FCHSD2: variants seen among roughly 807,000 people sequenced by gnomAD.
FCHSD2 encodes the protein FCH and double SH3 domains 2.
Under a neutral mutation model 108.1 loss-of-function variants are expected in FCHSD2, and 38 were observed. The ratio of observed to expected loss-of-function variants is 0.35; its 90% CI spans 0.27 to 0.46. The LOEUF is 0.46. Ranked by LOEUF, FCHSD2 falls within the 20% of genes least tolerant of loss-of-function variation. FCHSD2 has a pLI of 1.00. For missense variants in FCHSD2, 751 were observed against 897.8 expected (o/e 0.84, Z 2.09); for synonymous variants, 279 against 314.7 (o/e 0.89, Z 1.20).
chr11:73,060,338 A>C (rs1164273672), intron 3 of FCHSD2, among the ~76,000 whole-genome samples: 1 of 152,250 alleles, frequency 6.6e-6, no homozygotes, highest in Non-Finnish European at 1.5e-5. Context: ...AGCAAATTCA[A>C]ACATAATTTC....
chr11:73,132,028 A>G (rs1020752612), intron 2 of FCHSD2, among the ~76,000 whole-genome samples: 4 of 152,206 alleles, frequency 2.6e-5, no homozygotes, highest in African/African-American at 9.6e-5. Flanking sequence ...AGCCCAGGTG[A>G]TCCAACATTT....
In FCHSD2 at chr11:73,124,689, G is replaced by A. The variant is rs372987116; in HGVS notation, c.119+15342C>T. On this transcript the variant is annotated intron_variant, in intron 2 of 19. Coordinates refer to ENST00000409418, the MANE Select transcript of FCHSD2 (RefSeq NM_014824.3). ...GAGAATCACTTGAACCAAGGGGGCG[G>A]AGGTTGCAGTGAGCTGAGATTACGC... 1.3e-3 allele frequency among the ~76,000 whole-genome samples: 191 copies of A among 152,100 alleles called. 6 individuals carry two copies. In the South Asian group the frequency reaches 0.038, roughly 30 times the overall value.
At chr11:73,006,694 G>A (rs960185611) in intron 4 of FCHSD2, among the ~76,000 whole-genome samples, 7 of 152,184 alleles carry the variant, frequency 4.6e-5, no homozygotes, top group Admixed American at 4.6e-4. Context: ...TCCCTACTAT[G>A]CTTACTGCTC....
chr11:72,885,323 C>T (rs1235350036), intron 12 of FCHSD2, among the ~76,000 whole-genome samples: 1 of 152,158 alleles, frequency 6.6e-6, no homozygotes, highest in Non-Finnish European at 1.5e-5. Flanking sequence ...ATGGTTTTAG[C>T]ATACTATATT....
chr11:73,075,038 C>G (rs919374387), intron 3 of FCHSD2, among the ~76,000 whole-genome samples: 1 of 152,110 alleles, frequency 6.6e-6, no homozygotes, highest in African/African-American at 2.4e-5. Context: ...GATGCCCAAT[C>G]AAGATATGAA....
At chr11:73,096,987 A>ATTTTTTTTGTTTTTTTTTTTTT (rs1860097350) in intron 2 of FCHSD2, among the ~76,000 whole-genome samples, 1 of 27,020 alleles carries the variant, frequency 3.7e-5, no homozygotes, top group Non-Finnish European at 5.6e-5. Context: ...TCATTGATGG[A>ATTTTTTTTGTTTTTTTTTTTTT]TTTTTTTTTT....
intron 9 of FCHSD2, among the ~76,000 whole-genome samples, chr11:72,914,765 C>A (rs373666755): frequency 2.0e-5 from 3 of 151,900 alleles, no homozygotes; most frequent in Admixed American, 6.6e-5. Flanking sequence ...ATGTAAAACC[C>A]GAAACTATAA....
rs148398905 is a variant in FCHSD2, at chr11:73,132,229, T to G, written c.119+7802A>C. On this transcript the variant is annotated intron_variant, in intron 2 of 19. Transcript: ENST00000409418. ...TTCATGAAACACGATAACTTCCTTTTGTACCTTGAATAAGACAACATTCTT... is the reference window on the plus strand; with the variant it reads ...TTCATGAAACACGATAACTTCCTTTGGTACCTTGAATAAGACAACATTCTT... Among the ~76,000 whole-genome samples the G allele has an allele frequency of 1.2e-4, 18 of 152,358 alleles. No individual in the cohort carries two copies. The East Asian group carries it at 3.5e-3, about 29-fold the overall frequency.
intron 3 of FCHSD2, among the ~76,000 whole-genome samples, chr11:73,063,994 T>C (rs1859230027): frequency 6.6e-6 from 1 of 152,172 alleles, no homozygotes; most frequent in Non-Finnish European, 1.5e-5. Flanking sequence ...TACACTCTTC[T>C]TAGCACCACA....
chr11:73,008,964 C>T (rs191710517), intron 4 of FCHSD2, among the ~76,000 whole-genome samples: 12 of 150,656 alleles, frequency 8.0e-5, no homozygotes, highest in Non-Finnish European at 1.6e-4. Flanking sequence ...AATAAGCTTA[C>T]TTAAAAGTCA....
At chr11:73,046,633 T>A (rs1231299382) in intron 3 of FCHSD2, among the ~76,000 whole-genome samples, 3 of 152,220 alleles carry the variant, frequency 2.0e-5, no homozygotes, top group African/African-American at 7.2e-5. Flanking sequence ...TCTATTAAAA[T>A]TTTAAATATA....
intron 3 of FCHSD2, among the ~76,000 whole-genome samples, chr11:73,017,548 G>C (rs115426147): frequency 6.6e-6 from 1 of 152,032 alleles, no homozygotes. Context: ...AGTTCCTCCC[G>C]AACTTGGCAA....
At chr11:72,898,628 C>G (rs1855466741) in intron 10 of FCHSD2, among the ~76,000 whole-genome samples, 1 of 152,172 alleles carries the variant, frequency 6.6e-6, no homozygotes, top group Non-Finnish European at 1.5e-5. Context: ...ATCATCAAGT[C>G]TACTTGCTAT....
intron 3 of FCHSD2, among the ~76,000 whole-genome samples, chr11:73,034,013 C>T (rs568598657): frequency 4.1e-4 from 62 of 151,992 alleles, no homozygotes; most frequent in South Asian, 6.2e-4. Flanking sequence ...ATTTTAATAC[C>T]GATAGCAAAT....
intron 2 of FCHSD2, among the ~76,000 whole-genome samples, chr11:73,122,036 T>C (rs888063208): frequency 1.3e-5 from 2 of 152,184 alleles, no homozygotes; most frequent in African/African-American, 2.4e-5. Context: ...ACTGCAACTA[T>C]GTAAAAACAC....
In FCHSD2 at chr11:73,031,673, C is replaced by T. The variant is rs145860739; in HGVS notation, c.166-15788G>A. 2.0e-5 allele frequency among the ~76,000 whole-genome samples: 3 copies of T among 152,260 alleles called. No individual in the cohort carries two copies. The East Asian group carries it at 5.8e-4, about 29-fold the overall frequency. On this transcript the variant is annotated intron_variant, in intron 3 of 19. Coordinates refer to ENST00000409418, the MANE Select transcript of FCHSD2 (RefSeq NM_014824.3). ...CAAAGGACCATATTAACCAACACTG[C>T]TTATACCCAGGAATCCAACCCAAGC...
At chr11:72,983,694 T>G in intron 8 of FCHSD2, 1 of 317,442 alleles carries the variant, frequency 3.2e-6, no homozygotes, top group South Asian at 2.7e-5. Flanking sequence ...AGAAGATACC[T>G]GAAGATTCTG....
intron 3 of FCHSD2, among the ~76,000 whole-genome samples, chr11:73,047,791 T>C (rs1228444047): frequency 6.6e-6 from 1 of 152,222 alleles, no homozygotes. Context: ...TGCAAAGCAC[T>C]GTATCCCTCA....
intron 2 of FCHSD2, among the ~76,000 whole-genome samples, chr11:73,095,413 C>T (rs914005801): frequency 1.3e-5 from 2 of 152,066 alleles, no homozygotes; most frequent in Non-Finnish European, 2.9e-5. Flanking sequence ...AAAACACTAA[C>T]GAAAAATACA....
Sources: gnomAD v4.1 joint callset for allele counts (sites outside exome capture counted in the v4.1 genomes callset) on GRCh38, gnomAD v4.1.1 for gene constraint, MANE v1.5 for transcripts, NCBI Gene and HGNC (gene_info 2026-07-23, HGNC 2026-07-21) for gene names.